The following ZBTB7C variants were observed in gnomAD, a reference collection of about 807,000 sequenced individuals.
ZBTB7C encodes the protein zinc finger and BTB domain-containing protein 7C.
In ZBTB7C, 8 loss-of-function variants were observed where a neutral mutation model predicts 25.7. The observed-to-expected ratio is 0.31, with a 90% CI of 0.18 to 0.56. The LOEUF (loss-of-function observed/expected upper bound fraction) is 0.56, where lower values mean the gene tolerates loss of function less well. Ranked by LOEUF, ZBTB7C falls within the 20% of genes least tolerant of loss-of-function variation. The pLI is 0.91. For missense variants in ZBTB7C, 824 were observed against 855.2 expected (o/e 0.96, Z 0.46); for synonymous variants, 394 against 369.0 (o/e 1.07, Z -0.78).
intron 3 of ZBTB7C, among the ~76,000 whole-genome samples, chr18:48,124,357 G>C (rs2039730601): frequency 6.6e-6 from 1 of 152,256 alleles, no homozygotes; most frequent in African/African-American, 2.4e-5. Flanking sequence ...TGCTGGAATA[G>C]AATCTGCACC....
chr18:48,100,126 C>T (rs1350492528), intron 3 of ZBTB7C, among the ~76,000 whole-genome samples: 3 of 152,232 alleles, frequency 2.0e-5, no homozygotes, highest in African/African-American at 7.2e-5. Context: ...TGGATGCATT[C>T]TCCCAGGTTG....
chr18:48,197,157 T>G (rs1377153308), intron 2 of ZBTB7C, among the ~76,000 whole-genome samples: 1 of 152,162 alleles, frequency 6.6e-6, no homozygotes, highest in Non-Finnish European at 1.5e-5. Context: ...CTACAGCCAT[T>G]TTGTTACCAT....
At chr18:48,043,651 G>A (rs116170588) in intron 3 of ZBTB7C, among the ~76,000 whole-genome samples, 77 of 152,288 alleles carry the variant, frequency 5.1e-4, no homozygotes, top group African/African-American at 1.8e-3. Context: ...TGATGGAAAT[G>A]TTCTGCATAT....
chr18:48,042,582 G>C (rs890747469), intron 3 of ZBTB7C, among the ~76,000 whole-genome samples: 3 of 152,200 alleles, frequency 2.0e-5, no homozygotes, highest in Non-Finnish European at 2.9e-5. Context: ...CTCATAAAGT[G>C]TGAGTGGGCA....
intron 2 of ZBTB7C, chr18:48,252,079 A>G (rs1421099029): frequency 2.6e-5 from 4 of 152,176 alleles, no homozygotes; most frequent in African/African-American, 9.6e-5. Context: ...TAGAAAAGGT[A>G]ATCAATAAAT....
intron 3 of ZBTB7C, among the ~76,000 whole-genome samples, chr18:48,099,077 T>C (rs1047508185): frequency 3.3e-5 from 5 of 152,214 alleles, no homozygotes; most frequent in Non-Finnish European, 7.3e-5. Flanking sequence ...TTGATTCTCA[T>C]TTGCATCCCC....
At chr18:48,137,146 G>A in intron 3 of ZBTB7C, 1 of 985,464 alleles carries the variant, frequency 1.0e-6, no homozygotes, top group South Asian at 4.7e-5. Context: ...ATTCGTGCTG[G>A]GCGAGTTAAG....
At chr18:48,191,671 G>A (rs1263915181) in intron 2 of ZBTB7C, among the ~76,000 whole-genome samples, 1 of 152,226 alleles carries the variant, frequency 6.6e-6, no homozygotes, top group African/African-American at 2.4e-5. Context: ...AGCGCTTGGT[G>A]AGAACAAGGC....
At chr18:48,112,260 C>CTTTTTTTT (rs1048802422) in intron 3 of ZBTB7C, among the ~76,000 whole-genome samples, 2 of 120,046 alleles carry the variant, frequency 1.7e-5, no homozygotes, top group Admixed American at 8.5e-5. Flanking sequence ...TAATTTTTTT[C>CTTTTTTTT]TTTTTTTTTT....
At position 48,029,759 on chromosome 18, in the gene ZBTB7C, T is replaced by G. The variant is rs774387768; in HGVS notation, c.1361A>C (p.Tyr454Ser). Residue 454 changes from tyrosine to serine, a missense_variant, in exon 5 of 5, where the codon TAC becomes TCC. Around this residue, in one of 4 missense-constraint regions of ZBTB7C, gnomAD observed 342 missense variants for 307.0 expected, o/e 1.11. Transcript: ENST00000590800. ...GTGGTCAGAGCGCGTGAAGCTCTTG[T>G]AGCAGAACTCGCACTGGTAGGGCCG... is the stretch of plus-strand genomic sequence containing the variant. ...GVRPYQCEFC[Y>S]KSFTRSDHLH... is the part of the protein sequence containing the mutation. 1 of 1,608,452 alleles carries G rather than the reference T, an allele frequency of 6.2e-7. No homozygotes were observed. Among genetic ancestry groups the G allele is most frequent in the South Asian group, 1.1e-5 (1 of 91,084 alleles).
intron 2 of ZBTB7C, among the ~76,000 whole-genome samples, chr18:48,306,955 C>A (rs1264472565): frequency 1.3e-5 from 2 of 152,072 alleles, no homozygotes; most frequent in South Asian, 4.2e-4. Context: ...CGGAGCAGGC[C>A]CGGCAAGAGA....
intron 3 of ZBTB7C, among the ~76,000 whole-genome samples, chr18:48,152,288 T>G (rs955746401): frequency 1.3e-5 from 2 of 152,124 alleles, no homozygotes; most frequent in African/African-American, 4.8e-5. Flanking sequence ...CCCATTAGTA[T>G]TCATCAAATT....
intron 2 of ZBTB7C, among the ~76,000 whole-genome samples, chr18:48,206,081 G>A (rs527688247): frequency 6.6e-6 from 1 of 152,212 alleles, no homozygotes; most frequent in Admixed American, 6.5e-5. Context: ...ATACATGTGT[G>A]GAAACTGAGA....
chr18:48,359,998 T>C (rs1365485308), intron 1 of ZBTB7C, among the ~76,000 whole-genome samples: 1 of 152,190 alleles, frequency 6.6e-6, no homozygotes, highest in Admixed American at 6.5e-5. Context: ...AAAGCATTCT[T>C]GGATGTGTTT....
Position 48,327,979 on chromosome 18 carries a change from C to T in ZBTB7C, c.-79+10195G>A, listed in dbSNP as rs535578276. The stretch of plus-strand genomic sequence containing the variant: ...ACCCCAGCACTTTGGGAGGCCGAGG[C>T]GGGCGGATCACGAGGTCAGGAGATC... On this transcript the variant is annotated intron_variant, in intron 2 of 4. Transcript: ENST00000590800. 5.6e-4 allele frequency among the ~76,000 whole-genome samples: 85 copies of T among 151,922 alleles called. No individual in the cohort carries two copies. The Middle Eastern group carries it at 0.014, about 24-fold the overall frequency.
chr18:48,270,645 G>A (rs1363482538), intron 2 of ZBTB7C, among the ~76,000 whole-genome samples: 2 of 144,702 alleles, frequency 1.4e-5, no homozygotes, highest in African/African-American at 5.1e-5. Flanking sequence ...AGCCAAGATT[G>A]CACCACTGCA....
intron 1 of ZBTB7C, among the ~76,000 whole-genome samples, chr18:48,395,489 G>A (rs1360528522): frequency 2.6e-5 from 4 of 151,224 alleles, no homozygotes. Flanking sequence ...GTGTGTGTGT[G>A]TGTGTCAGAG....
At chr18:48,278,027 A>G (rs1020800799) in intron 2 of ZBTB7C, among the ~76,000 whole-genome samples, 10 of 152,052 alleles carry the variant, frequency 6.6e-5, no homozygotes, top group Non-Finnish European at 1.2e-4. Context: ...GTGATAGACT[A>G]TTTCCAAAGA....
intron 3 of ZBTB7C, among the ~76,000 whole-genome samples, chr18:48,173,413 C>T (rs2041560443): frequency 2.0e-5 from 3 of 152,130 alleles, no homozygotes; most frequent in Admixed American, 2.0e-4. Context: ...GGATAAAATC[C>T]AAACTCCTCC....
Sources: gnomAD v4.1 joint callset for allele counts (sites outside exome capture counted in the v4.1 genomes callset) on GRCh38, gnomAD v4.1.1 for gene constraint, gnomAD v4.1.1 regional missense constraint, MANE v1.5 for transcripts, NCBI Gene and HGNC (gene_info 2026-07-23, HGNC 2026-07-21) for gene names.